Variants in VPS35L observed in about 807,000 individuals in gnomAD.
VPS35L encodes VPS35 endosomal protein sorting factor like.
Under a neutral mutation model 133.0 loss-of-function variants are expected in VPS35L, and 83 were observed. That is an observed-to-expected ratio of 0.62 (90% CI 0.52 to 0.75). The LOEUF (loss-of-function observed/expected upper bound fraction) is 0.75, where lower values mean the gene tolerates loss of function less well. VPS35L is among the 30% of genes least tolerant of loss of function. VPS35L has a pLI of 0.00. For synonymous variants in VPS35L, 423 were observed against 449.9 expected, an observed-to-expected ratio of 0.94 and a Z score of 0.76; for missense variants, 1,083 against 1,206.8, an observed-to-expected ratio of 0.90 and a Z score of 1.52.
chr16:19,685,441 A>G (rs1975424255), intron 28 of VPS35L, among the ~76,000 whole-genome samples: 1 of 152,312 alleles, frequency 6.6e-6, no homozygotes, highest in South Asian at 2.1e-4. Context: ...TTCTGGATGG[A>G]AATTTGCATG....
chr16:19,597,087 A>T (rs112677945), intron 8 of VPS35L, among the ~76,000 whole-genome samples: 126 of 152,064 alleles, frequency 8.3e-4, no homozygotes, highest in African/African-American at 2.9e-3. Context: ...AGGGCTGGGC[A>T]TGGTGACTCA....
At chr16:19,604,238 G>T (rs1972476673) in intron 9 of VPS35L, among the ~76,000 whole-genome samples, 1 of 147,754 alleles carries the variant, frequency 6.8e-6, no homozygotes, top group Non-Finnish European at 1.5e-5. Context: ...ATATTTACCT[G>T]CCTGGCCCCC....
intron 18 of VPS35L, among the ~76,000 whole-genome samples, chr16:19,631,143 C>T (rs745600815): frequency 8.5e-5 from 13 of 152,128 alleles, no homozygotes; most frequent in Admixed American, 6.5e-4. Flanking sequence ...TCTTGGACTT[C>T]CCAGCCTCCA....
At chr16:19,595,872 G>A (rs545163656) in intron 8 of VPS35L, among the ~76,000 whole-genome samples, 2 of 152,304 alleles carry the variant, frequency 1.3e-5, no homozygotes, top group East Asian at 1.9e-4. Context: ...CCGGCCAGGC[G>A]CAGTGGTTCA....
intron 20 of VPS35L, among the ~76,000 whole-genome samples, chr16:19,638,368 T>G (rs1973684970): frequency 6.6e-6 from 1 of 152,078 alleles, no homozygotes; most frequent in African/African-American, 2.4e-5. Flanking sequence ...GAAGTAGGAG[T>G]TATCACTGTA....
At chr16:19,676,681 G>C (rs1975073545) in intron 27 of VPS35L, among the ~76,000 whole-genome samples, 1 of 152,128 alleles carries the variant, frequency 6.6e-6, no homozygotes, top group Non-Finnish European at 1.5e-5. Context: ...TGGAGAAAAA[G>C]GTCCAGCCAT....
At chr16:19,630,295 G>T (rs1320994257) in intron 18 of VPS35L, among the ~76,000 whole-genome samples, 1 of 142,666 alleles carries the variant, frequency 7.0e-6, no homozygotes, top group Non-Finnish European at 1.5e-5. Flanking sequence ...CCTTGCCAGA[G>T]TAATTTGTTT....
At chr16:19,694,319 T>G (rs961957788) in intron 29 of VPS35L, 1 of 152,138 alleles carries the variant, frequency 6.6e-6, no homozygotes, top group African/African-American at 2.4e-5. Context: ...TTTACAAACA[T>G]GCACAAACAC....
intron 4 of VPS35L, among the ~76,000 whole-genome samples, chr16:19,573,819 A>T (rs1971455153): frequency 6.6e-6 from 1 of 152,050 alleles, no homozygotes; most frequent in South Asian, 2.1e-4. Flanking sequence ...TCTCAAAAAA[A>T]ATTAATTAAT....
At position 19,633,234 on chromosome 16, in the gene VPS35L, G is replaced by C; in HGVS notation, c.1635+62G>C. 1 of 1,464,964 alleles carries C rather than the reference G, an allele frequency of 6.8e-7. No individual in the cohort carries two copies. 90.7% of individuals were successfully genotyped at this position (1,464,964 alleles called of 1,614,324 possible). ...GAATTTTGTTCTGTTGAATTAAATAGGCGTGTTGTATGGGTCAGGCTATAA... is the reference window on the plus strand; with the variant it reads ...GAATTTTGTTCTGTTGAATTAAATACGCGTGTTGTATGGGTCAGGCTATAA... On this transcript the variant is annotated intron_variant, in intron 19 of 30. Coordinates refer to ENST00000417362, the MANE Select transcript of VPS35L (RefSeq NM_020314.7). The surrounding 1 kb of genome is among the most constrained non-coding windows in gnomAD (Gnocchi z 4.1).
intron 27 of VPS35L, among the ~76,000 whole-genome samples, chr16:19,675,250 CTTTT>C (rs61213469): frequency 2.1e-5 from 3 of 141,158 alleles, no homozygotes; most frequent in Non-Finnish European, 1.5e-5. Flanking sequence ...TGCACCCAGT[CTTTT>C]TTTTTTTTTT....
At chr16:19,589,611 C>T (rs1250423255) in intron 7 of VPS35L, among the ~76,000 whole-genome samples, 3 of 152,092 alleles carry the variant, frequency 2.0e-5, no homozygotes, top group African/African-American at 7.2e-5. Context: ...GGAAGCGGCA[C>T]CAAAGCTTTA....
At chr16:19,665,318 C>T (rs955142590) in intron 26 of VPS35L, among the ~76,000 whole-genome samples, 16 of 152,186 alleles carry the variant, frequency 1.1e-4, no homozygotes, top group African/African-American at 3.9e-4. Flanking sequence ...TCCCACTCCC[C>T]ACCATGCCCC....
intron 9 of VPS35L, among the ~76,000 whole-genome samples, chr16:19,607,266 C>G (rs2151543944): frequency 6.6e-6 from 1 of 152,226 alleles, no homozygotes; most frequent in East Asian, 1.9e-4. Context: ...CCCCTGGTAC[C>G]AAGGATCCTC....
intron 26 of VPS35L, among the ~76,000 whole-genome samples, chr16:19,656,256 T>A (rs1974295665): frequency 1.5e-5 from 2 of 129,942 alleles, no homozygotes; most frequent in Admixed American, 8.2e-5. Context: ...AAAGCGAGAC[T>A]CTGTCTCAAA....
chr16:19,697,680 A>T (rs1975963524), intron 29 of VPS35L, among the ~76,000 whole-genome samples: 1 of 152,000 alleles, frequency 6.6e-6, no homozygotes. Context: ...AAAAGCAGGA[A>T]GAAATGTGTT....
chr16:19,627,108 C>G (rs1255915061), intron 15 of VPS35L, among the ~76,000 whole-genome samples: 3 of 151,938 alleles, frequency 2.0e-5, no homozygotes, highest in African/African-American at 7.3e-5. Context: ...ATGGTGAAAC[C>G]CTGTCTCTAC....
intron 18 of VPS35L, among the ~76,000 whole-genome samples, chr16:19,630,834 G>A (rs1277806370): frequency 6.6e-6 from 1 of 151,592 alleles, no homozygotes; most frequent in Non-Finnish European, 1.5e-5. Flanking sequence ...GTAAAACCCC[G>A]TCTCTACTAA....
intron 7 of VPS35L, 87 bp downstream of exon 7, chr16:19,581,740 C>T: frequency 6.8e-7 from 1 of 1,463,586 alleles, no homozygotes; most frequent in African/African-American, 1.4e-5. Flanking sequence ...GGCCTACCTG[C>T]AGGGTCTTAC....
Sources: gnomAD v4.1 joint callset for allele counts (sites outside exome capture counted in the v4.1 genomes callset) on GRCh38, gnomAD v4.1.1 for gene constraint, Gnocchi (gnomAD v3.1) non-coding constraint, MANE v1.5 for transcripts, NCBI Gene and HGNC (gene_info 2026-07-23, HGNC 2026-07-21) for gene names.